NECTIN3: variants seen among roughly 807,000 people sequenced by gnomAD.
NECTIN3 encodes the protein nectin-3.
NECTIN3 carries 8 observed loss-of-function variants against 49.4 expected under a neutral mutation model. The ratio of observed to expected loss-of-function variants is 0.16; its 90% confidence interval spans 0.10 to 0.29. The LOEUF (loss-of-function observed/expected upper bound fraction) is 0.29. Among genes scored for constraint, NECTIN3 ranks in the 10% least tolerant of loss-of-function variants. The pLI is 1.00. For synonymous variants in NECTIN3, 277 were observed against 241.1 expected, an observed-to-expected ratio of 1.15 and a Z score of -1.38; for missense variants, 581 against 654.6, an observed-to-expected ratio of 0.89 and a Z score of 1.23.
chr3:111,137,769 CTTTTTTT>C (rs3081495), downstream of NECTIN3, among the ~76,000 whole-genome samples: 1 of 100,044 alleles, frequency 1.0e-5, no homozygotes, highest in Non-Finnish European at 2.2e-5. Context: ...AAATTTTTTC[CTTTTTTT>C]TTTTTTTTTT....
intron 7 of NECTIN3, among the ~76,000 whole-genome samples, chr3:111,186,656 A>G (rs1272589744): frequency 6.6e-6 from 1 of 152,192 alleles, no homozygotes; most frequent in Non-Finnish European, 1.5e-5. Context: ...ACAAACCTGC[A>G]TATGTACCCC....
In NECTIN3 at chr3:111,105,982, CTT is replaced by C. The variant is rs34682420; in HGVS notation, c.161-6031_161-6030del. On this transcript the variant is annotated intron_variant, in intron 1 of 5. Coordinates refer to ENST00000485303, the MANE Select transcript of NECTIN3 (RefSeq NM_015480.3). ...TAAATTCAGTGGTTACTTACCAGTGCTTTTTTTTTTTTTTTTTTCCCACTTCT... is the reference window on the plus strand; with the variant it reads ...TAAATTCAGTGGTTACTTACCAGTGCTTTTTTTTTTTTTTTTCCCACTTCT... 5.2e-3 allele frequency among the ~76,000 whole-genome samples: 672 copies of C among 129,388 alleles called. 7 individuals carry two copies. Among genetic ancestry groups the C allele is most frequent in the African/African-American group, 0.016 (580 of 35,834 alleles). The allele number at this position is 129,388 out of a possible 152,430, so 84.9% of individuals were successfully genotyped here.
At chr3:111,171,858 C>G (rs1175501220) in intron 7 of NECTIN3, among the ~76,000 whole-genome samples, 2 of 152,124 alleles carry the variant, frequency 1.3e-5, no homozygotes, top group Non-Finnish European at 2.9e-5. Flanking sequence ...AGGTCTGTTA[C>G]ACAGATTTGT....
intron 1 of NECTIN3, among the ~76,000 whole-genome samples, chr3:111,079,062 G>A (rs1191728357): frequency 6.6e-6 from 1 of 152,104 alleles, no homozygotes; most frequent in Non-Finnish European, 1.5e-5. Context: ...TATATATAAT[G>A]TCAGGAGTGT....
At chr3:111,141,024 G>A (rs1260983007), downstream of NECTIN3, among the ~76,000 whole-genome samples, 1 of 151,842 alleles carries the variant, frequency 6.6e-6, no homozygotes, top group Non-Finnish European at 1.5e-5. Flanking sequence ...ATTCATCCCT[G>A]CATTCCTGGC....
Position 111,134,545 on chromosome 3 carries a change from T to C in NECTIN3, c.*330T>C, listed in dbSNP as rs2034511204. 9 of 978,780 alleles carry C rather than the reference T, an allele frequency of 9.2e-6. No homozygotes were observed. The highest frequency in any genetic ancestry group is 1.1e-5 in the Non-Finnish European group (9 of 816,922). The allele number at this position is 978,780 out of a possible 1,614,324, so 60.6% of individuals were successfully genotyped here. A position where few individuals can be genotyped will look rare whatever the true frequency, so the allele number is the denominator to read the frequency against. ...TACAAAAATTTTTTAAAAAGGGAAC[T>C]ACCTTGACATTGTGTATTAAATGTT... On this transcript the variant is annotated 3_prime_UTR_variant, in exon 6 of 6. Transcript: ENST00000485303.
intron 1 of NECTIN3, among the ~76,000 whole-genome samples, chr3:111,093,901 C>T (rs1018474587): frequency 7.9e-5 from 12 of 152,126 alleles, no homozygotes; most frequent in Non-Finnish European, 1.8e-4. Context: ...CTCTATTAGT[C>T]TGCTTTTAGT....
At position 111,112,388 on chromosome 3, in the gene NECTIN3, T is replaced by G. The variant is rs904794355; in HGVS notation, c.502+17T>G. 9.0e-6 allele frequency: 13 copies of G among 1,449,536 alleles called. No homozygotes were observed. The highest frequency in any genetic ancestry group is 1.2e-5 in the Non-Finnish European group (13 of 1,071,476). The allele number at this position is 1,449,536 out of a possible 1,614,324, so 89.8% of individuals were successfully genotyped here. A position where few individuals can be genotyped will look rare whatever the true frequency, so the allele number is the denominator to read the frequency against. On this transcript the variant is annotated intron_variant, in intron 2 of 5. Coordinates refer to ENST00000485303, the MANE Select transcript of NECTIN3 (RefSeq NM_015480.3). ...CTGTGTTAGGTAGGTATGCTTGAAT[T>G]ATGTATTTTGGTGATAGTGGTGAAG...
intron 7 of NECTIN3, among the ~76,000 whole-genome samples, chr3:111,184,837 T>C (rs1243060153): frequency 6.6e-6 from 1 of 152,220 alleles, no homozygotes; most frequent in African/African-American, 2.4e-5. Flanking sequence ...TGGAACCTGA[T>C]CTTCTGGAAG....
At chr3:111,083,544 G>A (rs1010174916) in intron 1 of NECTIN3, among the ~76,000 whole-genome samples, 3 of 152,202 alleles carry the variant, frequency 2.0e-5, no homozygotes, top group African/African-American at 7.2e-5. Flanking sequence ...CCAGGAACCT[G>A]ATAATGCTGG....
chr3:111,191,264 T>C (rs567193641), upstream of NECTIN3, among the ~76,000 whole-genome samples: 44 of 152,320 alleles, frequency 2.9e-4, no homozygotes, highest in South Asian at 8.7e-3. Flanking sequence ...AAGCCTCAGT[T>C]TTAGTCATCT....
chr3:111,097,219 G>T (rs965797746), intron 1 of NECTIN3, among the ~76,000 whole-genome samples: 1 of 152,116 alleles, frequency 6.6e-6, no homozygotes, highest in South Asian at 2.1e-4. Context: ...TTTAAGTTTT[G>T]CCTGCCCCAC....
chr3:111,096,395 A>C (rs2032583498), intron 1 of NECTIN3, among the ~76,000 whole-genome samples: 1 of 152,184 alleles, frequency 6.6e-6, no homozygotes. Context: ...AGTTTGGAAA[A>C]TTTGCAGCTT....
At chr3:111,117,017 G>A (rs1164869097) in intron 2 of NECTIN3, among the ~76,000 whole-genome samples, 3 of 152,040 alleles carry the variant, frequency 2.0e-5, no homozygotes, top group Admixed American at 6.6e-5. Flanking sequence ...TACATGAATG[G>A]AAATGTTTCT....
intron 3 of NECTIN3, 124 bp from the exon 4 acceptor site, chr3:111,121,997 T>G: frequency 1.5e-6 from 1 of 655,374 alleles, no homozygotes; most frequent in Non-Finnish European, 2.6e-6. Context: ...TTATACATGT[T>G]GAGACTAAGG....
In NECTIN3 at chr3:111,071,843, G is replaced by A; in HGVS notation, c.-175G>A. 1 of 396,490 alleles carries A rather than the reference G, an allele frequency of 2.5e-6. No homozygotes were observed. The highest frequency in any genetic ancestry group is 4.3e-6 in the Non-Finnish European group (1 of 231,936). 24.6% of individuals were successfully genotyped at this position (396,490 alleles called of 1,614,324 possible). A position where few individuals can be genotyped will look rare whatever the true frequency, so the allele number is the denominator to read the frequency against. ...CCTCGGCAGTGGCGTCGGCGACGGC[G>A]GTGTCGAGGCAGCCGCCAGCGTTCG... On this transcript the variant is annotated 5_prime_UTR_variant, in exon 1 of 6. Transcript: ENST00000485303.
intron 7 of NECTIN3, among the ~76,000 whole-genome samples, chr3:111,149,714 A>AT (rs879892060): frequency 9.9e-4 from 144 of 145,138 alleles, no homozygotes; most frequent in Admixed American, 2.5e-3. Context: ...TTCTCATTTT[A>AT]TTTTTTTTTT....
chr3:111,072,703 T>C, intron 1 of NECTIN3: 2 of 949,966 alleles, frequency 2.1e-6, no homozygotes, highest in South Asian at 1.6e-5. Context: ...AGTTTTCTTC[T>C]GTCTTGTGCC....
At chr3:111,144,643 A>G (rs2034830856) in intron 5 of NECTIN3, among the ~76,000 whole-genome samples, 1 of 151,950 alleles carries the variant, frequency 6.6e-6, no homozygotes, top group African/African-American at 2.4e-5. Flanking sequence ...CATATCGAGA[A>G]TATATTCTCT....
Sources: gnomAD v4.1 joint callset for allele counts (sites outside exome capture counted in the v4.1 genomes callset) on GRCh38, gnomAD v4.1.1 for gene constraint, MANE v1.5 for transcripts, NCBI Gene and HGNC (gene_info 2026-07-23, HGNC 2026-07-21) for gene names.